Variants in SFXN2 observed in about 807,000 individuals in gnomAD.
SFXN2 encodes sideroflexin-2.
In SFXN2, 37 loss-of-function variants were observed where a neutral mutation model predicts 41.9. The observed-to-expected ratio is 0.88, with a 90% CI of 0.68 to 1.16. The LOEUF (loss-of-function observed/expected upper bound fraction) is 1.16, where lower values mean the gene tolerates loss of function less well. SFXN2 is among the 50% of genes most tolerant of loss of function. The probability of loss-of-function intolerance (pLI) is 0.00; values close to 1 mark genes in which losing one functional copy is unlikely to be tolerated. For synonymous variants in SFXN2, 150 were observed against 156.7 expected (o/e 0.96, Z 0.32); for missense variants, 386 against 425.2 (o/e 0.91, Z 0.81).
In SFXN2 at chr10:102,734,790, C is replaced by G. The variant is rs1051154401; in HGVS notation, c.822-1072C>G. ...AAGTGGTAAAACTGGGATACCAACC[C>G]AGGTCTGTCAGAGTCCCGCGTCCTG... On this transcript the variant is annotated intron_variant, in intron 10 of 11. Coordinates refer to ENST00000369893, the MANE Select transcript of SFXN2 (RefSeq NM_178858.6). This position sits in a 1 kb window ranked among gnomAD's most constrained non-coding sequence, Gnocchi z 4.1. Among the ~76,000 whole-genome samples, 2 of 152,100 alleles carry G rather than the reference C, an allele frequency of 1.3e-5. No homozygotes were observed. The highest frequency in any genetic ancestry group is 4.8e-5 in the African/African-American group (2 of 41,400).
rs565698114 is a variant in SFXN2 at position 102,736,961 on chromosome 10, C to G, written c.870-702C>G. Reference sequence around the variant, plus strand: ...CCTGAGGTCGAGAGTTCAAGACCAGCCTGACCAACATGGAGAAACCCCGTC... The same window carrying G: ...CCTGAGGTCGAGAGTTCAAGACCAGGCTGACCAACATGGAGAAACCCCGTC... On this transcript the variant is annotated intron_variant, in intron 11 of 11. Coordinates refer to ENST00000369893, the MANE Select transcript of SFXN2 (RefSeq NM_178858.6). Among the ~76,000 whole-genome samples, 504 of 151,908 alleles carry G rather than the reference C, an allele frequency of 3.3e-3. 4 individuals are homozygous for G. Among genetic ancestry groups the G allele is most frequent in the African/African-American group, 0.011 (475 of 41,502 alleles).
intron 1 of SFXN2, chr10:102,717,877 G>A: frequency 1.3e-6 from 1 of 796,274 alleles, no homozygotes; most frequent in Non-Finnish European, 1.5e-6. Flanking sequence ...TCTGTCAGGG[G>A]AGGCAGACTT....
intron 1 of SFXN2, 146 bp downstream of exon 1, chr10:102,714,827 T>A (rs2248659): frequency 1 from 153,120 of 153,390 alleles, 76,425 homozygotes; most frequent in East Asian, 1. Flanking sequence ...TGGCGCGAAG[T>A]GCGCCCTGGG....
In SFXN2 at chr10:102,738,457, C is replaced by T. The variant is rs1238296387; in HGVS notation, c.*695C>T. 1.3e-5 allele frequency: 2 copies of T among 152,216 alleles called. No homozygotes were observed. Among genetic ancestry groups the T allele is most frequent in the Non-Finnish European group, 2.9e-5 (2 of 68,108 alleles). The allele number at this position is 152,216 out of a possible 1,614,324, so 9.4% of individuals were successfully genotyped here. On this transcript the variant is annotated 3_prime_UTR_variant, in exon 12 of 12. Transcript: ENST00000369893. ...GATTACAGGGCACCTGCCACCACGC[C>T]TGGCTAATTTTTGTATTTTAGTGGA...
intron 6 of SFXN2, 51 bp downstream of exon 6, chr10:102,729,859 G>A (rs778834676): frequency 1.2e-5 from 20 of 1,602,428 alleles, no homozygotes; most frequent in South Asian, 9.9e-5. Flanking sequence ...TAGCAGAAAA[G>A]GGGCAAGAAA....
intron 5 of SFXN2, 104 bp downstream of exon 5, chr10:102,729,498 G>T: frequency 7.2e-7 from 1 of 1,380,196 alleles, no homozygotes. Context: ...GGTGAGTTGG[G>T]AATGGCCAGA....
intron 1 of SFXN2, among the ~76,000 whole-genome samples, chr10:102,719,492 G>C (rs929045014): frequency 6.6e-5 from 10 of 151,920 alleles, no homozygotes; most frequent in Non-Finnish European, 1.5e-4. Context: ...GCCTCCCAAA[G>C]TGCTGGGATT....
chr10:102,721,605 TTA>T (rs1293489508), intron 1 of SFXN2, among the ~76,000 whole-genome samples: 8 of 147,482 alleles, frequency 5.4e-5, no homozygotes, highest in Non-Finnish European at 1.0e-4. Context: ...ATTTAAAAAA[TTA>T]TATATTTATA....
intron 8 of SFXN2, 57 bp from the exon 9 acceptor site, chr10:102,732,802 G>A: frequency 6.3e-7 from 1 of 1,581,978 alleles, no homozygotes; most frequent in South Asian, 1.1e-5. Context: ...GACTTCAGAA[G>A]GAGTCCTGGG....
Position 102,734,340 on chromosome 10 carries a change from CG to C in SFXN2, c.821+738del, listed in dbSNP as rs1314913083. Among the ~76,000 whole-genome samples the C allele has an allele frequency of 6.6e-6, 1 of 152,100 alleles. No individual in the cohort carries two copies. Among genetic ancestry groups the C allele is most frequent in the Non-Finnish European group, 1.5e-5 (1 of 68,018 alleles). ...GCGTTCACCATGCATTTCAGGGCCA[CG>C]AGACTAATGACAGCATCACTAACAG... On this transcript the variant is annotated intron_variant, in intron 10 of 11. Transcript: ENST00000369893. This position sits in a 1 kb window ranked among gnomAD's most constrained non-coding sequence, Gnocchi z 4.1.
Position 102,731,769 on chromosome 10 carries a change from A to T in SFXN2, c.640A>T (p.Ile214Phe). The change falls in exon 7 of 12, where the codon ATT becomes TTT. Residue 214 changes from isoleucine (I) to phenylalanine (F), a missense_variant. Ile to Phe is a conservative substitution (Grantham distance 21). Transcript: ENST00000369893. ...CGTGAAGGACAGGAATGAAAATGAG[A>T]TTGGTCATTCCCGGGTGAGCAGAGG... ...ICVKDRNENE[I>F]GHSRRAAAIG... 1 of 1,613,922 alleles carries T rather than the reference A, an allele frequency of 6.2e-7. No individual in the cohort carries two copies. Among genetic ancestry groups the T allele is most frequent in the African/African-American group, 1.3e-5 (1 of 75,036 alleles).
At chr10:102,724,710 A>G (rs2064564210) in intron 1 of SFXN2, among the ~76,000 whole-genome samples, 1 of 152,176 alleles carries the variant, frequency 6.6e-6, no homozygotes, top group African/African-American at 2.4e-5. Context: ...CAAAAAAAAA[A>G]AGATTTTCCA....
At chr10:102,727,720 C>T (rs2064624952) in intron 3 of SFXN2, 1 of 154,044 alleles carries the variant, frequency 6.5e-6, no homozygotes, top group Non-Finnish European at 1.4e-5. Context: ...GTGAAGGCTT[C>T]AGTAACCTCC....
intron 1 of SFXN2, among the ~76,000 whole-genome samples, chr10:102,721,028 T>A (rs1001197483): frequency 2.8e-4 from 43 of 152,290 alleles, no homozygotes; most frequent in African/African-American, 9.9e-4. Context: ...AGAACACCCC[T>A]GAACCCCCTC....
chr10:102,737,199 G>A (rs2064792366), intron 11 of SFXN2, among the ~76,000 whole-genome samples: 1 of 152,128 alleles, frequency 6.6e-6, no homozygotes, highest in African/African-American at 2.4e-5. Flanking sequence ...GGGACAGGCA[G>A]AGGGCTGACA....
At position 102,727,006 on chromosome 10, in the gene SFXN2, G is replaced by C; in HGVS notation, c.181G>C (p.Gly61Arg). 6.2e-7 allele frequency: 1 copy of C among 1,600,842 alleles called. No homozygotes were observed. The highest frequency in any genetic ancestry group is 1.7e-5 in the Admixed American group (1 of 59,816). The change falls in exon 3 of 12, where the codon GGC becomes CGC. Residue 61 changes from glycine to arginine, a missense_variant. Coordinates refer to ENST00000369893, the MANE Select transcript of SFXN2 (RefSeq NM_178858.6). ...EKSRMGVVPP[G>R]TQVEQLLYAK... ...TGGCAGGATGGGGGTTGTGCCCCCA[G>C]GCACCCAAGTGGAGCAGCTGCTGTA...
At position 102,733,541 on chromosome 10, in the gene SFXN2, T is replaced by C. The variant is rs533773926; in HGVS notation, c.772-13T>C. The C allele has an allele frequency of 2.6e-4, 424 of 1,611,296 alleles. 6 individuals carry two copies. The East Asian group carries it at 9.0e-3, about 34-fold the overall frequency. ...GTACCATGTGGATCTGTCTTTTATT[T>C]GTTTTTATACAGAAAGTCAAGGTCC... On this transcript the variant is annotated splice_polypyrimidine_tract_variant and intron_variant, in intron 9 of 11. Transcript: ENST00000369893.
At chr10:102,733,688 G>A (rs895219587) in intron 10 of SFXN2, 85 bp downstream of exon 10, 16 of 1,095,022 alleles carry the variant, frequency 1.5e-5, no homozygotes, top group East Asian at 1.4e-4. Flanking sequence ...GTTGGAGAAC[G>A]TGTACTCCTT....
intron 6 of SFXN2, 139 bp from the exon 7 acceptor site, chr10:102,731,583 GA>G (rs1425885407): frequency 8.6e-6 from 6 of 694,248 alleles, no homozygotes; most frequent in Non-Finnish European, 1.6e-5. Context: ...TTGGAGTGCA[GA>G]AGGAAGGTCA....
Sources: allele counts gnomAD v4.1 joint callset (sites outside exome capture counted in the v4.1 genomes callset), GRCh38; gene constraint gnomAD v4.1.1; non-coding constraint Gnocchi (gnomAD v3.1); transcripts MANE v1.5; gene names NCBI Gene and HGNC (gene_info 2026-07-23, HGNC 2026-07-21).